EPB41L5: variants seen among roughly 807,000 people sequenced by gnomAD.
EPB41L5 encodes the protein band 4.1-like protein 5.
Under a neutral mutation model 106.6 loss-of-function variants are expected in EPB41L5, and 55 were observed. The observed-to-expected ratio is 0.52, with a 90% CI of 0.42 to 0.65. The LOEUF (loss-of-function observed/expected upper bound fraction) is 0.65, where lower values mean the gene tolerates loss of function less well. Ranked by LOEUF, EPB41L5 falls within the 30% of genes least tolerant of loss-of-function variation. The pLI, the probability that EPB41L5 is intolerant of heterozygous loss-of-function variation, is 0.00. For synonymous variants in EPB41L5, 297 were observed against 306.7 expected, an observed-to-expected ratio of 0.97 and a Z score of 0.33; for missense variants, 871 against 882.1, an observed-to-expected ratio of 0.99 and a Z score of 0.16.
intron 2 of EPB41L5, among the ~76,000 whole-genome samples, chr2:120,030,695 A>G (rs1332125581): frequency 6.6e-6 from 1 of 151,530 alleles, no homozygotes; most frequent in East Asian, 1.9e-4. Flanking sequence ...CTAGGATTAC[A>G]GGCACATGCC....
chr2:120,076,971 C>A lies in EPB41L5; in HGVS notation c.506C>A (p.Ala169Asp). The A allele has an allele frequency of 1.3e-6, 2 of 1,590,348 alleles. No individual in the cohort carries two copies. Among genetic ancestry groups the A allele is most frequent in the Admixed American group, 1.8e-5 (1 of 55,962 alleles). Reference protein sequence around the residue: ...AVQLAAYNLQAELGDYDLAEH... With the variant: ...AVQLAAYNLQDELGDYDLAEH... Reference sequence around the variant, plus strand: ...TAACTTTTGAAACTTATGTTTATAGCTGAACTTGGTGACTATGATCTTGCT... The same window carrying A: ...TAACTTTTGAAACTTATGTTTATAGATGAACTTGGTGACTATGATCTTGCT... Residue 169 changes from alanine to aspartate, a missense_variant and splice_region_variant, in exon 8 of 25, where the codon GCT becomes GAT. Physicochemically the swap from Ala to Asp is moderately radical, Grantham distance 126 (BLOSUM62 -2). Transcript: ENST00000263713.
At chr2:120,106,127 T>TA (rs1333824672) in intron 16 of EPB41L5, 2 of 985,186 alleles carry the variant, frequency 2.0e-6, no homozygotes, top group African/African-American at 3.5e-5. Flanking sequence ...TCAGTACTGT[T>TA]ACATTTAAGG....
At chr2:120,136,327 G>A (rs1040598072) in intron 18 of EPB41L5, among the ~76,000 whole-genome samples, 5 of 151,308 alleles carry the variant, frequency 3.3e-5, no homozygotes, top group African/African-American at 1.2e-4. Context: ...TCACAAAAAG[G>A]AAGGCAGGCA....
chr2:120,017,891 G>T (rs1336937720), intron 1 of EPB41L5, among the ~76,000 whole-genome samples: 1 of 152,086 alleles, frequency 6.6e-6, no homozygotes, highest in Non-Finnish European at 1.5e-5. Context: ...CCGCCTCCCG[G>T]GTTCACGCCA....
intron 22 of EPB41L5, among the ~76,000 whole-genome samples, chr2:120,166,460 G>GGT (rs1553516404): frequency 1.4e-3 from 201 of 144,432 alleles, no homozygotes; most frequent in East Asian, 7.6e-3. Flanking sequence ...GATTTTGTGG[G>GGT]TTTTTTTTTT....
chr2:120,025,856 A>C (rs529910200), intron 2 of EPB41L5, among the ~76,000 whole-genome samples: 2 of 152,330 alleles, frequency 1.3e-5, no homozygotes, highest in African/African-American at 4.8e-5. Context: ...ATAATAACTA[A>C]GAGGACACAC....
chr2:120,069,087 C>T (rs1681664780), intron 3 of EPB41L5, among the ~76,000 whole-genome samples: 1 of 130,984 alleles, frequency 7.6e-6, no homozygotes, highest in African/African-American at 3.0e-5. Flanking sequence ...AAGATCATGC[C>T]ATTGCACTCC....
intron 18 of EPB41L5, among the ~76,000 whole-genome samples, chr2:120,133,168 G>T (rs145342728): frequency 2.6e-5 from 4 of 152,254 alleles, no homozygotes; most frequent in African/African-American, 7.2e-5. Flanking sequence ...CTCTATGCCA[G>T]ACAAGAATAG....
chr2:120,061,031 G>GTTTTTTTTTTTTTT lies in EPB41L5; in HGVS notation c.286-12133_286-12120dup, dbSNP rs375754153. Among the ~76,000 whole-genome samples, 135 of 69,126 alleles carry GTTTTTTTTTTTTTT rather than the reference G, an allele frequency of 2.0e-3. 27 individuals carry two copies. Among genetic ancestry groups the GTTTTTTTTTTTTTT allele is most frequent in the Non-Finnish European group, 2.8e-3 (112 of 39,324 alleles). The allele number at this position is 69,126 out of a possible 152,430, so 45.3% of individuals were successfully genotyped here. The stretch of plus-strand genomic sequence containing the variant: ...TTAGAATTTTAACTGGTTCAGGGAA[G>GTTTTTTTTTTTTTT]TTTTTTTTTTTTTTTTTTTTTTTTT... On this transcript the variant is annotated intron_variant, in intron 3 of 24. Coordinates refer to ENST00000263713, the MANE Select transcript of EPB41L5 (RefSeq NM_020909.4).
rs754452674 is a variant in EPB41L5 at position 120,160,992 on chromosome 2, T to A, written c.1887+18T>A. Reference sequence around the variant, plus strand: ...TTCTAAAGGTAAGAATACTTTTACTTCTTAAAATTTTTGCCAAAGACAGTT... The same window carrying A: ...TTCTAAAGGTAAGAATACTTTTACTACTTAAAATTTTTGCCAAAGACAGTT... On this transcript the variant is annotated intron_variant, in intron 21 of 24. Coordinates refer to ENST00000263713, the MANE Select transcript of EPB41L5 (RefSeq NM_020909.4). The A allele has an allele frequency of 1.2e-6, 2 of 1,600,154 alleles. No homozygotes were observed. The highest frequency in any genetic ancestry group is 1.7e-5 in the Admixed American group (1 of 59,938).
rs1685697331 is a variant in EPB41L5, at chr2:120,131,633, C to T, written c.1517C>T (p.Ser506Leu). The T allele has an allele frequency of 6.2e-7, 1 of 1,613,012 alleles. No homozygotes were observed. The highest frequency in any genetic ancestry group is 2.2e-5 in the East Asian group (1 of 44,844). The change falls in exon 18 of 25, where the codon TCA (serine) becomes TTA (leucine). Residue 506 changes from serine to leucine, a missense_variant. Coordinates refer to ENST00000263713, the MANE Select transcript of EPB41L5 (RefSeq NM_020909.4). ...EVEYETLKDT[S>L]EKLKQLEMEN... is the part of the protein sequence containing the mutation. Reference sequence around the variant, plus strand: ...TTCTTTTCAGCATTAAAAGACACCTCAGAGAAGCTCAAACAGCTTGAGATG... The same window carrying T: ...TTCTTTTCAGCATTAAAAGACACCTTAGAGAAGCTCAAACAGCTTGAGATG...
intron 16 of EPB41L5, chr2:120,105,115 A>C: frequency 6.1e-6 from 6 of 978,914 alleles, no homozygotes; most frequent in Non-Finnish European, 7.3e-6. Flanking sequence ...AGCCAAAACC[A>C]TATGATTTTT....
chr2:120,167,198 A>T (rs1452331059), intron 22 of EPB41L5, among the ~76,000 whole-genome samples: 1 of 152,210 alleles, frequency 6.6e-6, no homozygotes, highest in Non-Finnish European at 1.5e-5. Context: ...AGTGAACTGA[A>T]AGTAGTAATA....
At chr2:120,168,855 C>T (rs1371461814) in intron 24 of EPB41L5, among the ~76,000 whole-genome samples, 1 of 152,134 alleles carries the variant, frequency 6.6e-6, no homozygotes, top group African/African-American at 2.4e-5. Flanking sequence ...GTGAACAAGA[C>T]AGATGAGAGA....
intron 3 of EPB41L5, among the ~76,000 whole-genome samples, chr2:120,058,564 T>A (rs1200066515): frequency 6.6e-6 from 1 of 152,054 alleles, no homozygotes; most frequent in Non-Finnish European, 1.5e-5. Flanking sequence ...CTGTAGAGGA[T>A]CAAAAAGGAT....
At chr2:120,146,370 G>A (rs1686406518) in intron 20 of EPB41L5, 81 bp downstream of exon 20, 2 of 1,015,428 alleles carry the variant, frequency 2.0e-6, no homozygotes, top group Non-Finnish European at 3.0e-6. Flanking sequence ...GTCACCACAT[G>A]GTTTCAGGAT....
chr2:120,051,193 G>A (rs1379904899), intron 3 of EPB41L5, among the ~76,000 whole-genome samples: 2 of 152,190 alleles, frequency 1.3e-5, no homozygotes, highest in South Asian at 2.1e-4. Flanking sequence ...GTCAGACAGG[G>A]ACATTTAAGT....
chr2:120,049,528 C>G (rs7597762), intron 3 of EPB41L5, among the ~76,000 whole-genome samples: 61 of 152,174 alleles, frequency 4.0e-4, no homozygotes, highest in African/African-American at 1.4e-3. Context: ...AGATCTTCCT[C>G]CATCCCTTTA....
intron 10 of EPB41L5, 143 bp from the exon 11 acceptor site, chr2:120,087,028 G>A: frequency 1.8e-6 from 1 of 546,242 alleles, no homozygotes; most frequent in East Asian, 3.0e-5. Context: ...TCTTTTGATG[G>A]GCATTGCAAG....
Sources: allele counts gnomAD v4.1 joint callset (sites outside exome capture counted in the v4.1 genomes callset), GRCh38; gene constraint gnomAD v4.1.1; transcripts MANE v1.5; gene names NCBI Gene and HGNC (gene_info 2026-07-23, HGNC 2026-07-21).